Variants in COL14A1 observed in about 807,000 individuals in gnomAD.
COL14A1 encodes collagen type XIV alpha 1 chain.
In COL14A1, 136 loss-of-function variants were observed where a neutral mutation model predicts 230.3. The observed-to-expected ratio is 0.59, with a 90% CI of 0.51 to 0.68. The LOEUF is 0.68. Ranked by LOEUF, COL14A1 falls within the 30% of genes least tolerant of loss-of-function variation. The pLI, the probability that COL14A1 is intolerant of heterozygous loss-of-function variation, is 0.00. For missense variants in COL14A1, 1,976 were observed against 2,215.8 expected (o/e 0.89, Z 2.17); for synonymous variants, 792 against 784.1 (o/e 1.01, Z -0.17).
chr8:120,212,019 G>A (rs1235936945), intron 12 of COL14A1, among the ~76,000 whole-genome samples: 1 of 152,200 alleles, frequency 6.6e-6, no homozygotes, highest in South Asian at 2.1e-4. Context: ...CAAAAACTGG[G>A]CATCTGGCCA....
Position 120,278,177 on chromosome 8 carries a change from G to GA in COL14A1, c.3281dup (p.Thr1095AspfsTer4). On this transcript the variant is annotated frameshift_variant, in exon 27 of 48. Transcript: ENST00000297848. LOFTEE classifies it high-confidence loss of function. ...TAAACTAAATGCTTACAAAACCAAAGAGACTCTTCTTGATGCAATTAAACA... is the reference window on the plus strand; with the variant it reads ...TAAACTAAATGCTTACAAAACCAAAGAAGACTCTTCTTGATGCAATTAAACA... 6.2e-7 allele frequency: 1 copy of GA among 1,612,170 alleles called. No homozygotes were observed. Among genetic ancestry groups the GA allele is most frequent in the Non-Finnish European group, 8.5e-7 (1 of 1,179,066 alleles).
intron 5 of COL14A1, among the ~76,000 whole-genome samples, chr8:120,190,375 C>G (rs1459872024): frequency 6.6e-6 from 1 of 152,080 alleles, no homozygotes; most frequent in African/African-American, 2.4e-5. Flanking sequence ...ATTGTAGATT[C>G]TGGATATTAG....
At chr8:120,140,115 G>A (rs1814851730) in intron 1 of COL14A1, among the ~76,000 whole-genome samples, 1 of 152,168 alleles carries the variant, frequency 6.6e-6, no homozygotes, top group Admixed American at 6.5e-5. Flanking sequence ...TTGATAAAGA[G>A]CAGAGAGTGG....
chr8:120,280,819 GTTT>G, intron 30 of COL14A1, 70 bp downstream of exon 30: 1 of 1,537,236 alleles, frequency 6.5e-7, no homozygotes. Context: ...TGGGGTTTCT[GTTT>G]TTGTTTTTAA....
Position 120,254,703 on chromosome 8 carries a change from G to A in COL14A1, c.2753-537G>A, listed in dbSNP as rs2129708346. Among the ~76,000 whole-genome samples the A allele has an allele frequency of 1.3e-5, 2 of 151,536 alleles. 1 individual carries two copies. The highest frequency in any genetic ancestry group is 4.2e-4 in the South Asian group (2 of 4,774). On this transcript the variant is annotated intron_variant, in intron 22 of 47. Coordinates refer to ENST00000297848, the MANE Select transcript of COL14A1 (RefSeq NM_021110.4). Reference sequence around the variant, plus strand: ...CCTCTTCTATTTAAAATGCATACAGGGCCAGGTATAGTGGCTCACACCTGT... The same window carrying A: ...CCTCTTCTATTTAAAATGCATACAGAGCCAGGTATAGTGGCTCACACCTGT...
At chr8:120,211,876 A>C (rs931616589) in intron 12 of COL14A1, among the ~76,000 whole-genome samples, 2 of 152,240 alleles carry the variant, frequency 1.3e-5, no homozygotes, top group Non-Finnish European at 1.5e-5. Context: ...AAGAATCAAA[A>C]AAGCAAATTG....
intron 43 of COL14A1, among the ~76,000 whole-genome samples, chr8:120,341,679 T>C (rs1202843739): frequency 6.6e-6 from 1 of 152,196 alleles, no homozygotes; most frequent in African/African-American, 2.4e-5. Flanking sequence ...ATGAGAACGT[T>C]ATATAATAGA....
intron 5 of COL14A1, among the ~76,000 whole-genome samples, chr8:120,173,885 G>C (rs1437362071): frequency 2.0e-5 from 3 of 151,968 alleles, no homozygotes; most frequent in African/African-American, 7.2e-5. Context: ...ACTGCAAAAA[G>C]ACAAACAAAT....
intron 21 of COL14A1, among the ~76,000 whole-genome samples, 187 bp downstream of exon 21, chr8:120,247,922 G>A (rs1042204742): frequency 1.3e-5 from 2 of 152,032 alleles, no homozygotes; most frequent in Non-Finnish European, 2.9e-5. Context: ...GATATTATCA[G>A]GATGATGAAG....
intron 33 of COL14A1, among the ~76,000 whole-genome samples, chr8:120,287,955 A>G (rs993599569): frequency 2.6e-5 from 4 of 152,020 alleles, no homozygotes; most frequent in African/African-American, 9.7e-5. Flanking sequence ...AATTATATAA[A>G]TGGGCACTTA....
chr8:120,371,968 A>C lies in COL14A1; in HGVS notation c.*737A>C. 4.0e-6 allele frequency: 1 copy of C among 251,554 alleles called. No homozygotes were observed. The highest frequency in any genetic ancestry group is 7.6e-6 in the Non-Finnish European group (1 of 132,298). The allele number at this position is 251,554 out of a possible 1,614,324, so 15.6% of individuals were successfully genotyped here. ...TCCTTATCTACGGGGATTACTTTGT[A>C]CATGCAGATAAGTTTTCGCAAACCT... On this transcript the variant is annotated 3_prime_UTR_variant, in exon 48 of 48. Coordinates refer to ENST00000297848, the MANE Select transcript of COL14A1 (RefSeq NM_021110.4).
chr8:120,151,690 T>C (rs1050006782), intron 2 of COL14A1, among the ~76,000 whole-genome samples: 3 of 149,498 alleles, frequency 2.0e-5, no homozygotes, highest in Non-Finnish European at 4.4e-5. Flanking sequence ...CAGAATAATG[T>C]ACCTGCAAAG....
intron 24 of COL14A1, among the ~76,000 whole-genome samples, chr8:120,264,594 C>A (rs1819450784): frequency 6.6e-6 from 1 of 152,068 alleles, no homozygotes; most frequent in Non-Finnish European, 1.5e-5. Flanking sequence ...TTTGTCATTA[C>A]CATTATTATT....
intron 1 of COL14A1, among the ~76,000 whole-genome samples, chr8:120,141,751 A>G (rs1203673610): frequency 2.0e-5 from 3 of 152,188 alleles, no homozygotes; most frequent in Admixed American, 2.0e-4. Flanking sequence ...TGGATGCAGG[A>G]ACTGCTTTGA....
At chr8:120,290,752 T>G (rs57553886) in intron 34 of COL14A1, among the ~76,000 whole-genome samples, 1 of 151,972 alleles carries the variant, frequency 6.6e-6, no homozygotes, top group East Asian at 1.9e-4. Flanking sequence ...ACACAGGAAA[T>G]AGTCCAAGTG....
At chr8:120,370,515 C>G (rs1432623921) in intron 47 of COL14A1, 12 of 1,488,200 alleles carry the variant, frequency 8.1e-6, no homozygotes, top group Non-Finnish European at 9.8e-6. Flanking sequence ...TGCCTTCCCA[C>G]TTTCAAACCT....
intron 45 of COL14A1, among the ~76,000 whole-genome samples, chr8:120,360,273 G>A (rs1027306153): frequency 6.6e-5 from 10 of 152,322 alleles, no homozygotes; most frequent in African/African-American, 1.7e-4. Flanking sequence ...TGAAGCTTAC[G>A]ACTTGGGGTT....
Position 120,278,194 on chromosome 8 carries a change from A to G in COL14A1, c.3297A>G (p.Ala1099=). The G allele has an allele frequency of 1.9e-6, 3 of 1,611,850 alleles. No individual in the cohort carries two copies. The highest frequency in any genetic ancestry group is 8.5e-7 in the Non-Finnish European group (1 of 1,178,942). The part of the protein sequence containing the change: ...AYKTKETLLD[A]IKHISYKGGN... Reference sequence around the variant, plus strand: ...AAACCAAAGAGACTCTTCTTGATGCAATTAAACACATTTCATACAAAGGAG... The same window carrying G: ...AAACCAAAGAGACTCTTCTTGATGCGATTAAACACATTTCATACAAAGGAG... Residue 1099 remains alanine (A), a synonymous_variant, in exon 27 of 48, where the codon GCA becomes GCG. Transcript: ENST00000297848.
chr8:120,144,351 ATT>A (rs1160992080), intron 1 of COL14A1, among the ~76,000 whole-genome samples: 1 of 152,206 alleles, frequency 6.6e-6, no homozygotes, highest in Non-Finnish European at 1.5e-5. Context: ...AAAAGCGATA[ATT>A]GCCATAATAG....
Sources: gnomAD v4.1 joint callset for allele counts (sites outside exome capture counted in the v4.1 genomes callset) on GRCh38, gnomAD v4.1.1 for gene constraint, MANE v1.5 for transcripts, NCBI Gene and HGNC (gene_info 2026-07-23, HGNC 2026-07-21) for gene names.